ENO2: variants seen among roughly 807,000 people sequenced by gnomAD.
ENO2 encodes gamma-enolase.
In ENO2, 19 loss-of-function variants were observed where a neutral mutation model predicts 48.7. That is an observed-to-expected ratio of 0.39 (90% CI 0.27 to 0.57). The LOEUF (loss-of-function observed/expected upper bound fraction) is 0.57. Among genes scored for constraint, ENO2 ranks in the 20% least tolerant of loss-of-function variants. The pLI is 0.58. For synonymous variants in ENO2, 198 were observed against 213.4 expected, an observed-to-expected ratio of 0.93 and a Z score of 0.63; for missense variants, 416 against 555.0, an observed-to-expected ratio of 0.75 and a Z score of 2.52.
At position 6,920,717 on chromosome 12, in the gene ENO2, C is replaced by CTT. The variant is rs781865832; in HGVS notation, c.866-842_866-841dup. 2.6e-3 allele frequency among the ~76,000 whole-genome samples: 247 copies of CTT among 95,152 alleles called. 21 individuals are homozygous for CTT. Among genetic ancestry groups the CTT allele is most frequent in the Non-Finnish European group, 3.4e-3 (165 of 48,656 alleles). 62.4% of individuals were successfully genotyped at this position (95,152 alleles called of 152,430 possible). A position where few individuals can be genotyped will look rare whatever the true frequency, so the allele number is the denominator to read the frequency against. The stretch of plus-strand genomic sequence containing the variant: ...GCCTGGCTGGTTTGCTTTTAATTAA[C>CTT]TTTTTTTTTTTTTTTTTTTTTTTGT... On this transcript the variant is annotated intron_variant, in intron 8 of 11. Transcript: ENST00000229277.
At chr12:6,920,018 A>C (rs1945325652) in intron 8 of ENO2, among the ~76,000 whole-genome samples, 1 of 152,192 alleles carries the variant, frequency 6.6e-6, no homozygotes, top group Non-Finnish European at 1.5e-5. Context: ...TACTGGGGTC[A>C]TGGGGAAGGC....
intron 5 of ENO2, 120 bp downstream of exon 5, chr12:6,917,227 C>A: frequency 8.0e-7 from 1 of 1,257,764 alleles, no homozygotes; most frequent in South Asian, 1.3e-5. Context: ...GGGCATTCTC[C>A]TCTCAAAGCC....
intron 8 of ENO2, 70 bp from the exon 9 acceptor site, chr12:6,921,511 T>C: frequency 6.6e-7 from 1 of 1,505,888 alleles, no homozygotes; most frequent in East Asian, 2.3e-5. Context: ...TAAAGGGGCA[T>C]GTTCCTGCCT....
Position 6,916,477 on chromosome 12 carries a change from T to C in ENO2, c.146T>C (p.Leu49Pro), listed in dbSNP as rs1194338739. The C allele has an allele frequency of 6.2e-7, 1 of 1,614,122 alleles. No individual in the cohort carries two copies. The highest frequency in any genetic ancestry group is 8.5e-7 in the Non-Finnish European group (1 of 1,179,992). The change falls in exon 3 of 12, where the codon CTG (leucine) becomes CCG (proline). Residue 49 changes from leucine (L) to proline (P), a missense_variant. Transcript: ENST00000229277. This position sits in a 1 kb window ranked among gnomAD's most constrained non-coding sequence, Gnocchi z 4.5. ...ASTGIYEALE[L>P]RDGDKQRYLG... ...ACGGGCATCTATGAGGCCCTGGAGCTGAGGGATGGAGACAAACAGCGTTAC... is the reference window on the plus strand; with the variant it reads ...ACGGGCATCTATGAGGCCCTGGAGCCGAGGGATGGAGACAAACAGCGTTAC...
chr12:6,917,684 C>A lies in ENO2; in HGVS notation c.414C>A (p.Ala138=). Residue 138 remains alanine, a synonymous_variant, in exon 6 of 12, where the codon GCC becomes GCA. Coordinates refer to ENST00000229277, the MANE Select transcript of ENO2 (RefSeq NM_001975.3). ...TGTATCGCCACATTGCTCAGCTGGC[C>A]GGGAACTCAGACCTCATCCTGCCTG... ...LPLYRHIAQL[A]GNSDLILPVP... 1 of 1,391,770 alleles carries A rather than the reference C, an allele frequency of 7.2e-7. No homozygotes were observed. The highest frequency in any genetic ancestry group is 9.6e-7 in the Non-Finnish European group (1 of 1,039,056). 86.2% of individuals were successfully genotyped at this position (1,391,770 alleles called of 1,614,324 possible). A position where few individuals can be genotyped will look rare whatever the true frequency, so the allele number is the denominator to read the frequency against.
intron 5 of ENO2, chr12:6,917,371 G>A: frequency 1.4e-6 from 1 of 728,784 alleles, no homozygotes; most frequent in Non-Finnish European, 2.2e-6. Context: ...AGAAAGAGGT[G>A]TGGCTCTCTG....
rs782485239 is a variant in ENO2, at chr12:6,916,649, T to C, written c.182-22T>C. 6.2e-7 allele frequency: 1 copy of C among 1,614,064 alleles called. No homozygotes were observed. The highest frequency in any genetic ancestry group is 8.5e-7 in the Non-Finnish European group (1 of 1,179,968). ...TCCGGCCCCTCCTGGCCCGACCCAG[T>C]CCAGCCTCTTCCTTTCCCCAGGTGT... is the stretch of plus-strand genomic sequence containing the variant. On this transcript the variant is annotated intron_variant, in intron 3 of 11. Transcript: ENST00000229277. This position sits in a 1 kb window ranked among gnomAD's most constrained non-coding sequence, Gnocchi z 4.5.
rs2239164 is a variant in ENO2 at position 6,914,640 on chromosome 12, T to G, written c.-32T>G. 66,265 of 164,182 alleles carry G rather than the reference T, an allele frequency of 0.4. 16,403 individuals are homozygous for G. Among genetic ancestry groups the G allele is most frequent in the African/African-American group, 0.72 (29,968 of 41,478 alleles). 10.2% of individuals were successfully genotyped at this position (164,182 alleles called of 1,614,324 possible). ...GCCACCGCCACCGCCACTACCACCG[T>G]CTGAGTCTGCAGTCCCGAGGTGAAG... On this transcript the variant is annotated 5_prime_UTR_variant, in exon 1 of 12. Transcript: ENST00000229277. The surrounding 1 kb of genome is among the most constrained non-coding windows in gnomAD (Gnocchi z 7.1).
chr12:6,916,721 A>C lies in ENO2; in HGVS notation c.232A>C (p.Ile78Leu). 2 of 1,614,090 alleles carry C rather than the reference A, an allele frequency of 1.2e-6. No homozygotes were observed. The highest frequency in any genetic ancestry group is 2.2e-5 in the South Asian group (2 of 91,090). ...HINSTIAPALISSGLSVVEQE... is the reference protein window; with the variant it reads ...HINSTIAPALLSSGLSVVEQE... ...CAACTCCACCATCGCGCCAGCCCTC[A>C]TCAGCTCAGTGAGGCCTGCTCTTTG... The change falls in exon 4 of 12, where the codon ATC becomes CTC. Residue 78 changes from isoleucine to leucine, a missense_variant. Ile to Leu is a conservative substitution (Grantham distance 5). Transcript: ENST00000229277. This position sits in a 1 kb window ranked among gnomAD's most constrained non-coding sequence, Gnocchi z 4.5.
At chr12:6,919,817 A>G (rs761169685) in intron 8 of ENO2, 54 bp downstream of exon 8, 20 of 1,588,382 alleles carry the variant, frequency 1.3e-5, no homozygotes, top group Non-Finnish European at 1.3e-5. Flanking sequence ...GACGTGTCCC[A>G]GCAACTCTGG....
chr12:6,918,122 T>C lies in ENO2; in HGVS notation c.627T>C (p.Asp209=). 1 of 1,614,102 alleles carries C rather than the reference T, an allele frequency of 6.2e-7. No individual in the cohort carries two copies. The highest frequency in any genetic ancestry group is 1.3e-5 in the African/African-American group (1 of 75,022). Residue 209 remains aspartate, a synonymous_variant, in exon 7 of 12, where the codon GAT becomes GAC. Transcript: ENST00000229277. ...GCAAGGATGCCACCAATGTGGGGGA[T>C]GAAGGTGGCTTTGCCCCCAATATCC... ...KYGKDATNVG[D]EGGFAPNILE... is the part of the protein sequence containing the mutation.
intron 6 of ENO2, 40 bp from the exon 7 acceptor site, chr12:6,917,900 A>C: frequency 7.9e-7 from 1 of 1,272,458 alleles, no homozygotes; most frequent in Non-Finnish European, 1.1e-6. Context: ...GCGGGCAGGG[A>C]GGGGCTCTTT....
Position 6,922,913 on chromosome 12 carries a change from A to C in ENO2, c.*113A>C. The C allele has an allele frequency of 8.5e-7, 1 of 1,176,782 alleles. No individual in the cohort carries two copies. Among genetic ancestry groups the C allele is most frequent in the East Asian group, 2.4e-5 (1 of 41,802 alleles). The allele number at this position is 1,176,782 out of a possible 1,614,324, so 72.9% of individuals were successfully genotyped here. Reference sequence around the variant, plus strand: ...TCCCCTGAGCCCCAGGGTGCCCAGAACTTCCCTGATTGACCTGCTCCGCTG... The same window carrying C: ...TCCCCTGAGCCCCAGGGTGCCCAGACCTTCCCTGATTGACCTGCTCCGCTG... On this transcript the variant is annotated 3_prime_UTR_variant, in exon 12 of 12. Coordinates refer to ENST00000229277, the MANE Select transcript of ENO2 (RefSeq NM_001975.3). This position sits in a 1 kb window ranked among gnomAD's most constrained non-coding sequence, Gnocchi z 5.3.
chr12:6,918,580 C>T (rs782055791), intron 7 of ENO2, among the ~76,000 whole-genome samples: 3 of 151,276 alleles, frequency 2.0e-5, no homozygotes, highest in East Asian at 2.0e-4. Context: ...ACCTTGTGAT[C>T]GGCCCGCCTC....
In ENO2 at chr12:6,922,008, G is replaced by A. The variant is rs370521913; in HGVS notation, c.1068-48G>A. The A allele has an allele frequency of 1.5e-4, 244 of 1,608,096 alleles. No homozygotes were observed. Among genetic ancestry groups the A allele is most frequent in the Non-Finnish European group, 1.5e-4 (179 of 1,174,658 alleles). Reference sequence around the variant, plus strand: ...TAGACCAAGGTTGGGGCTGGGAAGAGAGTGCCCAGTGTGAGAGCTGGAGAA... The same window carrying A: ...TAGACCAAGGTTGGGGCTGGGAAGAAAGTGCCCAGTGTGAGAGCTGGAGAA... On this transcript the variant is annotated intron_variant, in intron 9 of 11. Coordinates refer to ENST00000229277, the MANE Select transcript of ENO2 (RefSeq NM_001975.3). This position sits in a 1 kb window ranked among gnomAD's most constrained non-coding sequence, Gnocchi z 5.3.
intron 7 of ENO2, among the ~76,000 whole-genome samples, chr12:6,918,439 C>T (rs1396321100): frequency 2.0e-5 from 3 of 150,856 alleles, no homozygotes; most frequent in Admixed American, 6.6e-5. Flanking sequence ...CAAGCTCCGC[C>T]TCCCGGGTTC....
intron 7 of ENO2, among the ~76,000 whole-genome samples, chr12:6,919,036 A>T (rs1019156218): frequency 0.024 from 7 of 286 alleles, no homozygotes; most frequent in African/African-American, 0.1. Flanking sequence ...ATACTGGGAG[A>T]TGGTCTGGAT....
Position 6,916,544 on chromosome 12 carries a change from C to T in ENO2, c.181+32C>T, listed in dbSNP as rs782334797. On this transcript the variant is annotated intron_variant, in intron 3 of 11. Transcript: ENST00000229277. This position sits in a 1 kb window ranked among gnomAD's most constrained non-coding sequence, Gnocchi z 4.5. The stretch of plus-strand genomic sequence containing the variant: ...TCCCTTCTCTTTTCCAGACTCTCCC[C>T]CACCTCAGCCTTATGCCCCTACCTC... 6 of 1,613,062 alleles carry T rather than the reference C, an allele frequency of 3.7e-6. No individual in the cohort carries two copies. Among genetic ancestry groups the T allele is most frequent in the Non-Finnish European group, 5.1e-6 (6 of 1,179,348 alleles).
In ENO2 at chr12:6,917,060, A is replaced by G. The variant is rs1327937134; in HGVS notation, c.263A>G (p.Glu88Gly). The change falls in exon 5 of 12, where the codon GAG becomes GGG. Residue 88 changes from glutamate to glycine, a missense_variant. Glu to Gly is a moderately conservative substitution (Grantham distance 98). Transcript: ENST00000229277. ...CAGGGTCTCTCTGTGGTGGAGCAAGAGAAACTGGACAACCTGATGCTGGAG... is the reference window on the plus strand; with the variant it reads ...CAGGGTCTCTCTGTGGTGGAGCAAGGGAAACTGGACAACCTGATGCTGGAG... ...ISSGLSVVEQ[E>G]KLDNLMLELD... The G allele has an allele frequency of 1.2e-6, 2 of 1,613,992 alleles. No homozygotes were observed. Among genetic ancestry groups the G allele is most frequent in the Non-Finnish European group, 1.7e-6 (2 of 1,180,024 alleles).
Sources: gnomAD v4.1 joint callset for allele counts (sites outside exome capture counted in the v4.1 genomes callset) on GRCh38, gnomAD v4.1.1 for gene constraint, Gnocchi (gnomAD v3.1) non-coding constraint, MANE v1.5 for transcripts, NCBI Gene and HGNC (gene_info 2026-07-23, HGNC 2026-07-21) for gene names.